OCA2: variants seen among roughly 807,000 people sequenced by gnomAD.
OCA2 encodes P protein.
In OCA2, 77 loss-of-function variants were observed where a neutral mutation model predicts 100.2. That is an observed-to-expected ratio of 0.77 (90% CI 0.64 to 0.93). OCA2 has a LOEUF of 0.93. Ranked by LOEUF, OCA2 falls within the 40% of genes least tolerant of loss-of-function variation. The pLI, the probability that OCA2 is intolerant of heterozygous loss-of-function variation, is 0.00. For missense variants in OCA2, 1,062 were observed against 1,089.1 expected, an observed-to-expected ratio of 0.98 and a Z score of 0.35; for synonymous variants, 432 against 439.2, an observed-to-expected ratio of 0.98 and a Z score of 0.21.
intron 18 of OCA2, among the ~76,000 whole-genome samples, chr15:27,931,299 C>T (rs1396757892): frequency 6.6e-6 from 1 of 151,994 alleles, no homozygotes; most frequent in Non-Finnish European, 1.5e-5. Context: ...CAATTCTATA[C>T]CTTGCATTTT....
At chr15:28,017,893 C>T (rs1365427465) in intron 7 of OCA2, among the ~76,000 whole-genome samples, 2 of 152,132 alleles carry the variant, frequency 1.3e-5, no homozygotes, top group Non-Finnish European at 2.9e-5. Flanking sequence ...GCCATGACAG[C>T]CACCGCTTCC....
intron 23 of OCA2, among the ~76,000 whole-genome samples, chr15:27,809,094 T>A (rs1595446902): frequency 6.6e-6 from 1 of 152,314 alleles, no homozygotes; most frequent in East Asian, 1.9e-4. Flanking sequence ...CTCTCCTGCC[T>A]CAAAGAACTT....
At chr15:28,014,351 C>G (rs1330326794) in intron 9 of OCA2, among the ~76,000 whole-genome samples, 1 of 152,212 alleles carries the variant, frequency 6.6e-6, no homozygotes, top group Non-Finnish European at 1.5e-5. Flanking sequence ...TCCGGGCACA[C>G]AGCCCCAGGC....
chr15:27,882,701 T>C (rs2037069485), intron 19 of OCA2, among the ~76,000 whole-genome samples: 1 of 152,226 alleles, frequency 6.6e-6, no homozygotes. Flanking sequence ...TATTATTTTT[T>C]TTTACTTATA....
chr15:27,770,515 G>GGAGCC (rs75590792), intron 23 of OCA2, among the ~76,000 whole-genome samples: 62,240 of 151,648 alleles, frequency 0.41, 13,002 homozygotes, highest in South Asian at 0.64. Flanking sequence ...CCTCCCCGCA[G>GGAGCC]GCCGCCGGGC....
chr15:27,843,620 G>A (rs2035423489), intron 23 of OCA2, among the ~76,000 whole-genome samples: 1 of 152,084 alleles, frequency 6.6e-6, no homozygotes, highest in African/African-American at 2.4e-5. Context: ...AGTCCCACCG[G>A]GAGACGCACA....
chr15:28,094,552 G>T (rs1393626308), intron 1 of OCA2, among the ~76,000 whole-genome samples: 1 of 152,236 alleles, frequency 6.6e-6, no homozygotes, highest in Admixed American at 6.5e-5. Flanking sequence ...ATAGATAGTT[G>T]TGGCTTATTT....
At position 28,008,038 on chromosome 15, in the gene OCA2, T is replaced by C. The variant is rs76339772; in HGVS notation, c.1044+6738A>G. 2.8e-4 allele frequency among the ~76,000 whole-genome samples: 43 copies of C among 152,262 alleles called. 1 individual carries two copies. The East Asian group carries it at 7.1e-3, about 25-fold the overall frequency. On this transcript the variant is annotated intron_variant, in intron 9 of 23. Transcript: ENST00000354638. ...AATATCTGAAGATGCTCTGGAAACA[T>C]TTGTTTAATATTTATTGAGCACTTG...
chr15:27,903,417 G>C (rs1222884739), intron 19 of OCA2, among the ~76,000 whole-genome samples: 1 of 152,234 alleles, frequency 6.6e-6, no homozygotes, highest in Non-Finnish European at 1.5e-5. Flanking sequence ...TCGCTTGGGA[G>C]ATGGAAATGA....
chr15:27,913,803 C>CAA (rs201957903), intron 19 of OCA2, among the ~76,000 whole-genome samples: 2 of 64,424 alleles, frequency 3.1e-5, no homozygotes, highest in African/African-American at 1.1e-4. Context: ...AGAGACACAA[C>CAA]AAAAAAAAAA....
chr15:27,863,277 C>A (rs758369457), intron 21 of OCA2, among the ~76,000 whole-genome samples: 1 of 152,150 alleles, frequency 6.6e-6, no homozygotes, highest in African/African-American at 2.4e-5. Flanking sequence ...CAGTTCCGGG[C>A]GGATCCCCTG....
chr15:27,898,000 C>T (rs139303655), intron 19 of OCA2, among the ~76,000 whole-genome samples: 1 of 152,200 alleles, frequency 6.6e-6, no homozygotes, highest in Non-Finnish European at 1.5e-5. Flanking sequence ...GCCTGTAGCC[C>T]CTTGGTTTTG....
chr15:27,867,449 C>T (rs532001115), intron 21 of OCA2, among the ~76,000 whole-genome samples: 57 of 152,224 alleles, frequency 3.7e-4, no homozygotes, highest in African/African-American at 1.3e-3. Context: ...TAAAAATCTA[C>T]TTGCATGCTG....
At chr15:27,879,695 G>T (rs1341379140) in intron 19 of OCA2, among the ~76,000 whole-genome samples, 4 of 152,052 alleles carry the variant, frequency 2.6e-5, no homozygotes, top group Admixed American at 2.6e-4. Flanking sequence ...TTTTAATGTG[G>T]TTGTTGGTTT....
intron 2 of OCA2, among the ~76,000 whole-genome samples, chr15:28,072,086 G>A (rs565463697): frequency 1.8e-4 from 27 of 152,312 alleles, no homozygotes; most frequent in African/African-American, 5.8e-4. Flanking sequence ...AAGTAACCCC[G>A]GCCGGGCACA....
At chr15:28,002,106 T>C (rs2041946417) in intron 9 of OCA2, among the ~76,000 whole-genome samples, 1 of 152,142 alleles carries the variant, frequency 6.6e-6, no homozygotes, top group South Asian at 2.1e-4. Context: ...GGCAAGACTT[T>C]CAAGGTTGGG....
In OCA2 at chr15:27,821,160, C is replaced by T. The variant is rs368065752; in HGVS notation, c.2432+23799G>A. Among the ~76,000 whole-genome samples, 27 of 152,246 alleles carry T rather than the reference C, an allele frequency of 1.8e-4. 1 individual carries two copies. The East Asian group carries it at 3.7e-3, about 21-fold the overall frequency. ...CTATGATTTCCAAAGCCCATAACAA[C>T]ACGAGAAAAGCACCAGTTTCCATTT... On this transcript the variant is annotated intron_variant, in intron 23 of 23. Coordinates refer to ENST00000354638, the MANE Select transcript of OCA2 (RefSeq NM_000275.3).
At chr15:28,021,655 C>T (rs995222903) in intron 6 of OCA2, among the ~76,000 whole-genome samples, 23 of 152,172 alleles carry the variant, frequency 1.5e-4, no homozygotes, top group Admixed American at 1.2e-3. Flanking sequence ...TGGGGAAGAT[C>T]CCGGGAAAGC....
intron 23 of OCA2, among the ~76,000 whole-genome samples, chr15:27,758,021 C>T (rs1198248868): frequency 1.3e-5 from 2 of 152,304 alleles, no homozygotes; most frequent in South Asian, 2.1e-4. Context: ...GAAGTGGATG[C>T]GTTTCTTCCA....
Sources: allele counts gnomAD v4.1 joint callset (sites outside exome capture counted in the v4.1 genomes callset), GRCh38; gene constraint gnomAD v4.1.1; transcripts MANE v1.5; gene names NCBI Gene and HGNC (gene_info 2026-07-23, HGNC 2026-07-21).